The following ELF5 variants were observed in gnomAD, a reference collection of about 807,000 sequenced individuals.
ELF5 encodes ETS-related transcription factor Elf-5.
Under a neutral mutation model 38.2 loss-of-function variants are expected in ELF5, and 31 were observed. That is an observed-to-expected ratio of 0.81 (90% CI 0.61 to 1.10). The LOEUF (loss-of-function observed/expected upper bound fraction) is 1.10, where lower values mean the gene tolerates loss of function less well. ELF5 is among the 50% of genes least tolerant of loss of function. The pLI is 0.00. For synonymous variants in ELF5, 121 were observed against 112.5 expected, an observed-to-expected ratio of 1.08 and a Z score of -0.48; for missense variants, 300 against 306.6, an observed-to-expected ratio of 0.98 and a Z score of 0.16.
At chr11:34,504,164 C>T (rs1371557724) in intron 2 of ELF5, among the ~76,000 whole-genome samples, 4 of 152,342 alleles carry the variant, frequency 2.6e-5, no homozygotes, top group Non-Finnish European at 4.4e-5. Context: ...AGCTGGGCCC[C>T]ACCACTGTGG....
chr11:34,485,577 A>G (rs2133874458), intron 4 of ELF5, among the ~76,000 whole-genome samples: 1 of 152,322 alleles, frequency 6.6e-6, no homozygotes, highest in South Asian at 2.1e-4. Flanking sequence ...TTTTGGATGA[A>G]GGGGATCTGG....
rs148945035 is a variant in ELF5, at chr11:34,489,891, C to T, written c.406+118G>A. On this transcript the variant is annotated intron_variant, in intron 4 of 6. Transcript: ENST00000257832. ...CCACGCTTTTCCCCACTGCTTTCTC[C>T]AGGTCTGGGATTGTTTTGGTTCATC... 3.1e-5 allele frequency: 38 copies of T among 1,239,462 alleles called. No homozygotes were observed. In the African/African-American group the frequency reaches 5.5e-4, roughly 18 times the overall value. The allele number at this position is 1,239,462 out of a possible 1,614,324, so 76.8% of individuals were successfully genotyped here. A position where few individuals can be genotyped will look rare whatever the true frequency, so the allele number is the denominator to read the frequency against.
At position 34,479,589 on chromosome 11, in the gene ELF5, C is replaced by T. The variant is rs1298426598; in HGVS notation, c.*629G>A. 1 of 151,770 alleles carries T rather than the reference C, an allele frequency of 6.6e-6. No individual in the cohort carries two copies. Among genetic ancestry groups the T allele is most frequent in the Non-Finnish European group, 1.5e-5 (1 of 68,058 alleles). 9.4% of individuals were successfully genotyped at this position (151,770 alleles called of 1,614,324 possible). ...ACTTTTCTGCCCAGGTGCCGTGGCT[C>T]ACGCTTGTAATCACAGTACTTTGGG... On this transcript the variant is annotated 3_prime_UTR_variant, in exon 7 of 7. Transcript: ENST00000257832.
chr11:34,494,511 T>C (rs181919158), intron 2 of ELF5, among the ~76,000 whole-genome samples: 2 of 152,302 alleles, frequency 1.3e-5, no homozygotes, highest in East Asian at 3.9e-4. Context: ...GTAATTTCTA[T>C]CCTGAGATCA....
chr11:34,493,450 C>T (rs747790789), intron 3 of ELF5, 29 bp downstream of exon 3: 6 of 1,601,106 alleles, frequency 3.7e-6, no homozygotes, highest in African/African-American at 2.7e-5. Flanking sequence ...TGGTCCCTCC[C>T]CTGGAGGTCT....
chr11:34,493,766 AG>A, intron 2 of ELF5, 54 bp from the exon 3 acceptor site: 1 of 1,519,060 alleles, frequency 6.6e-7, no homozygotes, highest in Non-Finnish European at 9.1e-7. Flanking sequence ...AGCCTTCGAG[AG>A]GGCCCCTGAA....
At chr11:34,492,081 C>A (rs756601841) in intron 3 of ELF5, 1 of 152,192 alleles carries the variant, frequency 6.6e-6, no homozygotes, top group African/African-American at 2.4e-5. Flanking sequence ...GATTTTTGTG[C>A]GAGCCTGTTC....
At chr11:34,507,391 G>A (rs1430930622) in intron 1 of ELF5, among the ~76,000 whole-genome samples, 1 of 152,248 alleles carries the variant, frequency 6.6e-6, no homozygotes, top group East Asian at 1.9e-4. Context: ...GAGGGATGGA[G>A]GCTCTGAGAT....
intron 3 of ELF5, 73 bp from the exon 4 acceptor site, chr11:34,490,132 G>A (rs1850126846): frequency 1.3e-6 from 2 of 1,525,520 alleles, no homozygotes; most frequent in Admixed American, 3.3e-5. Context: ...AGGAGAGGGG[G>A]TGTTGGAGGG....
At chr11:34,501,727 C>A (rs1325194939) in intron 2 of ELF5, among the ~76,000 whole-genome samples, 3 of 152,064 alleles carry the variant, frequency 2.0e-5, no homozygotes, top group African/African-American at 7.2e-5. Flanking sequence ...GCAGTGCAGC[C>A]AAGCAGAAGT....
chr11:34,511,683 C>T, intron 1 of ELF5: 1 of 1,327,682 alleles, frequency 7.5e-7, no homozygotes, highest in Non-Finnish European at 1.1e-6. Context: ...GGCCTGTGGG[C>T]TTCTCAGTGT....
intron 4 of ELF5, among the ~76,000 whole-genome samples, chr11:34,487,656 C>T (rs111800800): frequency 3.3e-5 from 5 of 152,304 alleles, no homozygotes; most frequent in Admixed American, 1.3e-4. Context: ...TGCTCTCGGC[C>T]TCAGCTCCCA....
chr11:34,498,248 G>A (rs554070149), intron 2 of ELF5, among the ~76,000 whole-genome samples: 3 of 152,244 alleles, frequency 2.0e-5, no homozygotes, highest in East Asian at 1.9e-4. Context: ...CCAGGCATAT[G>A]GCAAGTGCTC....
rs78893151 is a variant in ELF5 at position 34,504,419 on chromosome 11, G to A, written c.121+1210C>T. Among the ~76,000 whole-genome samples the A allele has an allele frequency of 1.9e-3, 294 of 152,238 alleles. 1 individual carries two copies. Among genetic ancestry groups the A allele is most frequent in the Admixed American group, 4.4e-3 (67 of 15,306 alleles). ...CATGTGCGTGTGTGTGTGTGCACGCGTGTGTGTATGTGTGTCCATGTGGGG... is the reference window on the plus strand; with the variant it reads ...CATGTGCGTGTGTGTGTGTGCACGCATGTGTGTATGTGTGTCCATGTGGGG... On this transcript the variant is annotated intron_variant, in intron 2 of 6. Coordinates refer to ENST00000257832, the MANE Select transcript of ELF5 (RefSeq NM_001422.4).
intron 2 of ELF5, among the ~76,000 whole-genome samples, chr11:34,505,178 C>T (rs184960727): frequency 7.7e-4 from 117 of 152,218 alleles, no homozygotes; most frequent in Admixed American, 1.6e-3. Flanking sequence ...TTGTTCATCT[C>T]ATAGGGCTTT....
chr11:34,502,573 A>C (rs1475496215), intron 2 of ELF5, among the ~76,000 whole-genome samples: 1 of 152,234 alleles, frequency 6.6e-6, no homozygotes, highest in Non-Finnish European at 1.5e-5. Context: ...GTGCCCAGGC[A>C]GCTCCAAGAG....
At chr11:34,505,513 T>C (rs1339629271) in intron 2 of ELF5, 116 bp downstream of exon 2, 1 of 1,500,880 alleles carries the variant, frequency 6.7e-7, no homozygotes, top group East Asian at 2.3e-5. Flanking sequence ...CCCTCTGCCC[T>C]GAACTCTGGT....
intron 2 of ELF5, among the ~76,000 whole-genome samples, chr11:34,505,351 G>A (rs1320249393): frequency 3.3e-5 from 5 of 152,188 alleles, no homozygotes; most frequent in Non-Finnish European, 7.4e-5. Context: ...TCCAAGAGAC[G>A]TACATTTTAC....
At chr11:34,500,868 C>CT (rs11364716) in intron 2 of ELF5, among the ~76,000 whole-genome samples, 4 of 150,866 alleles carry the variant, frequency 2.7e-5, no homozygotes, top group African/African-American at 2.4e-5. Flanking sequence ...GGGTTTTGCA[C>CT]TTTTTTTTTT....
Sources: allele counts gnomAD v4.1 joint callset (sites outside exome capture counted in the v4.1 genomes callset), GRCh38; gene constraint gnomAD v4.1.1; transcripts MANE v1.5; gene names NCBI Gene and HGNC (gene_info 2026-07-23, HGNC 2026-07-21).